The following STRN4 variants were observed in gnomAD, a reference collection of about 807,000 sequenced individuals.
STRN4 encodes striatin 4, also known as striatin-4.
A neutral mutation model predicts 77.9 loss-of-function variants in STRN4; 27 were observed. The ratio of observed to expected loss-of-function variants is 0.35; its 90% CI spans 0.26 to 0.48. The LOEUF (loss-of-function observed/expected upper bound fraction) is 0.48, where lower values mean the gene tolerates loss of function less well. Among genes scored for constraint, STRN4 ranks in the 20% least tolerant of loss-of-function variants. The pLI, the probability that STRN4 is intolerant of heterozygous loss-of-function variation, is 0.99. For synonymous variants in STRN4, 466 were observed against 443.1 expected (o/e 1.05, Z -0.65); for missense variants, 798 against 1,049.7 (o/e 0.76, Z 3.31).
Position 46,746,371 on chromosome 19 carries a change from G to A in STRN4, c.60C>T (p.Leu20=), listed in dbSNP as rs1362839193. The A allele has an allele frequency of 4.4e-6, 5 of 1,149,420 alleles. No homozygotes were observed. Among genetic ancestry groups the A allele is most frequent in the Non-Finnish European group, 5.3e-6 (5 of 937,060 alleles). 71.2% of individuals were successfully genotyped at this position (1,149,420 alleles called of 1,614,324 possible). ...TGGGGCCAGGGCCCGCGCCTGAGCC[G>A]AGCGGACGGCAGGAGGAGGCGGCGG... ...VAAAASSCRP[L]GSGAGPGPTG... Residue 20 remains leucine (L), a synonymous_variant, in exon 1 of 18, where the codon CTC becomes CTT. Transcript: ENST00000263280.
rs1195533389 is a variant in STRN4 at position 46,733,248 on chromosome 19, C to A, written c.540-12G>T. On this transcript the variant is annotated splice_polypyrimidine_tract_variant and intron_variant, in intron 4 of 17. Coordinates refer to ENST00000263280, the MANE Select transcript of STRN4 (RefSeq NM_013403.3). This position sits in a 1 kb window ranked among gnomAD's most constrained non-coding sequence, Gnocchi z 4.3. ...CCTCTTCCAGGTACCTGCAGGGGTG[C>A]AGAGCCACGTGGGTCAGACATCCCC... The A allele has an allele frequency of 6.8e-6, 11 of 1,606,942 alleles. No individual in the cohort carries two copies. Among genetic ancestry groups the A allele is most frequent in the African/African-American group, 1.3e-5 (1 of 74,894 alleles).
chr19:46,727,203 G>A (rs566072609), intron 9 of STRN4, among the ~76,000 whole-genome samples: 11 of 152,340 alleles, frequency 7.2e-5, no homozygotes, highest in Non-Finnish European at 1.5e-4. Context: ...TCATCTTCCT[G>A]CATTCCAAAT....
chr19:46,735,741 G>C (rs1294459256), intron 4 of STRN4, among the ~76,000 whole-genome samples: 2 of 152,092 alleles, frequency 1.3e-5, no homozygotes, highest in African/African-American at 4.8e-5. Context: ...AAGGCAGGCG[G>C]ATCACCTGAG....
chr19:46,722,723 C>T, intron 14 of STRN4, 87 bp downstream of exon 14: 5 of 1,569,314 alleles, frequency 3.2e-6, no homozygotes, highest in Non-Finnish European at 4.3e-6. Flanking sequence ...TCTGAGCTGA[C>T]TGACAAGGGG....
intron 1 of STRN4, among the ~76,000 whole-genome samples, chr19:46,744,483 A>C (rs2054536637): frequency 6.6e-6 from 1 of 152,056 alleles, no homozygotes; most frequent in Non-Finnish European, 1.5e-5. Flanking sequence ...TCCGGGGTTT[A>C]AGCAATCCTC....
rs773871094 is a variant in STRN4, at chr19:46,725,535, G to A, written c.1362C>T (p.Leu454=). 2 of 1,614,194 alleles carry A rather than the reference G, an allele frequency of 1.2e-6. No homozygotes were observed. The highest frequency in any genetic ancestry group is 1.3e-5 in the African/African-American group (1 of 75,050). ...TGAGCGTGCCGTCCTCGGAGGCGGT[G>A]AGCAGAGCCGACTGGCTGTGGTGGA... ...LAFHHSQSAL[L]TASEDGTLKL... is the part of the protein sequence containing the mutation. The change falls in exon 10 of 18, where the codon CTC becomes CTT. Residue 454 remains leucine (L), a synonymous_variant. Transcript: ENST00000263280.
chr19:46,731,286 AGGAACC>A (rs1320634242), intron 5 of STRN4, among the ~76,000 whole-genome samples: 1 of 152,216 alleles, frequency 6.6e-6, no homozygotes, highest in Non-Finnish European at 1.5e-5. Flanking sequence ...TGCAGGAAAG[AGGAACC>A]GGCCATTCTA....
At chr19:46,736,935 C>T in intron 3 of STRN4, 34 bp from the exon 4 acceptor site, 1 of 1,604,394 alleles carries the variant, frequency 6.2e-7, no homozygotes, top group South Asian at 1.1e-5. Flanking sequence ...TGTCTTAAGT[C>T]AGGCCACTGC....
Position 46,722,038 on chromosome 19 carries a change from G to A in STRN4, c.2040C>T (p.Asp680=), listed in dbSNP as rs375559692. 1.4e-4 allele frequency: 233 copies of A among 1,613,342 alleles called. No homozygotes were observed. The highest frequency in any genetic ancestry group is 6.0e-4 in the South Asian group (55 of 91,096). The change falls in exon 16 of 18, where the codon GAC becomes GAT. Residue 680 remains aspartate (D), a synonymous_variant. Transcript: ENST00000263280. ...KPVHSMVAHL[D]AVTCLAVDPN... The stretch of plus-strand genomic sequence containing the variant: ...GGTCCACGGCTAGGCAGGTGACTGC[G>A]TCCAGGTGTGCAACCATGGAGTGCA...
At position 46,733,373 on chromosome 19, in the gene STRN4, G is replaced by C; in HGVS notation, c.540-137C>G. The C allele has an allele frequency of 1.3e-6, 1 of 743,994 alleles. No homozygotes were observed. Among genetic ancestry groups the C allele is most frequent in the East Asian group, 2.7e-5 (1 of 36,932 alleles). The allele number at this position is 743,994 out of a possible 1,614,324, so 46.1% of individuals were successfully genotyped here. A position where few individuals can be genotyped will look rare whatever the true frequency, so the allele number is the denominator to read the frequency against. On this transcript the variant is annotated intron_variant, in intron 4 of 17. Transcript: ENST00000263280. This position sits in a 1 kb window ranked among gnomAD's most constrained non-coding sequence, Gnocchi z 4.3. Reference sequence around the variant, plus strand: ...CAAAATCTGACATAAGCACACCCTCGCTCCAGCAGTTCCCCGTCAAGGCTA... The same window carrying C: ...CAAAATCTGACATAAGCACACCCTCCCTCCAGCAGTTCCCCGTCAAGGCTA...
At position 46,726,638 on chromosome 19, in the gene STRN4, C is replaced by A. The variant is rs951085286; in HGVS notation, c.1248+814G>T. Among the ~76,000 whole-genome samples, 5 of 152,304 alleles carry A rather than the reference C, an allele frequency of 3.3e-5. No homozygotes were observed. In the East Asian group the frequency reaches 7.7e-4, roughly 24 times the overall value. On this transcript the variant is annotated intron_variant, in intron 9 of 17. Transcript: ENST00000263280. The stretch of plus-strand genomic sequence containing the variant: ...GGGCCTCTGTCCACCACGCTGCATG[C>A]GCCCTGGTGCCGCTCACCCAGCAGG...
exon 1 of STRN4, chr19:46,746,449 CTGCGCGCCCGCTGTGCCT>C: frequency 1.0e-6 from 1 of 1,003,476 alleles, no homozygotes; most frequent in Non-Finnish European, 1.2e-6. Flanking sequence ...CGGGGCCGGC[CTGCGCGCCCGCTGTGCCT>C]CGCGCGCCTG....
intron 1 of STRN4, among the ~76,000 whole-genome samples, chr19:46,743,731 C>G (rs1030382418): frequency 6.6e-6 from 1 of 152,044 alleles, no homozygotes; most frequent in East Asian, 1.9e-4. Context: ...AAAACCCCAT[C>G]TCTACTAAAA....
intron 1 of STRN4, among the ~76,000 whole-genome samples, chr19:46,739,798 A>C (rs1261861547): frequency 1.3e-5 from 2 of 152,244 alleles, no homozygotes; most frequent in African/African-American, 4.8e-5. Flanking sequence ...CTAGAAAATG[A>C]GAGTCACAAG....
intron 4 of STRN4, chr19:46,736,134 G>C (rs937069595): frequency 6.6e-6 from 1 of 151,814 alleles, no homozygotes; most frequent in African/African-American, 2.4e-5. Context: ...AATTAGCCGG[G>C]TGTGATGGCA....
At chr19:46,734,953 T>C (rs1457120566) in intron 4 of STRN4, among the ~76,000 whole-genome samples, 1 of 152,238 alleles carries the variant, frequency 6.6e-6, no homozygotes, top group Admixed American at 6.5e-5. Context: ...CATGAGCTAC[T>C]GCACCCGGCC....
At position 46,724,886 on chromosome 19, in the gene STRN4, G is replaced by A; in HGVS notation, c.1515C>T (p.Tyr505=). 1 of 1,614,088 alleles carries A rather than the reference G, an allele frequency of 6.2e-7. No individual in the cohort carries two copies. The change falls in exon 12 of 18, where the codon TAC becomes TAT. Residue 505 remains tyrosine (Y), a synonymous_variant. Coordinates refer to ENST00000263280, the MANE Select transcript of STRN4 (RefSeq NM_013403.3). ...AGGCATCTGCCCCGCCACTGTAGCA[G>A]TATTCACTGTTGCTGCCCATAGCCA... ...LAVAMGSNSE[Y]CYSGGADACI...
In STRN4 at chr19:46,741,743, G is replaced by A. The variant is rs905781701; in HGVS notation, c.283-2855C>T. ...CAGCAAGGCGACATCTAAAGGCTTC[G>A]GAGGAGTCCCAGCAATTCAGTCCTC... is the stretch of plus-strand genomic sequence containing the variant. On this transcript the variant is annotated intron_variant, in intron 1 of 17. Coordinates refer to ENST00000263280, the MANE Select transcript of STRN4 (RefSeq NM_013403.3). This position sits in a 1 kb window ranked among gnomAD's most constrained non-coding sequence, Gnocchi z 4.9. 5.3e-5 allele frequency among the ~76,000 whole-genome samples: 8 copies of A among 152,206 alleles called. No homozygotes were observed. Among genetic ancestry groups the A allele is most frequent in the African/African-American group, 1.2e-4 (5 of 41,468 alleles).
At chr19:46,736,790 G>T (rs375547393) in intron 4 of STRN4, 33 bp downstream of exon 4, 1 of 1,606,240 alleles carries the variant, frequency 6.2e-7, no homozygotes. Flanking sequence ...AACGTGTCAC[G>T]TGTCCCCAGC....
Sources: allele counts gnomAD v4.1 joint callset (sites outside exome capture counted in the v4.1 genomes callset), GRCh38; gene constraint gnomAD v4.1.1; non-coding constraint Gnocchi (gnomAD v3.1); transcripts MANE v1.5; gene names NCBI Gene and HGNC (gene_info 2026-07-23, HGNC 2026-07-21).